The following MECOM variants were observed in gnomAD, a reference collection of about 807,000 sequenced individuals.
MECOM encodes the protein histone-lysine N-methyltransferase MECOM.
Under a neutral mutation model 116.3 loss-of-function variants are expected in MECOM, and 13 were observed. The observed-to-expected ratio is 0.11, with a 90% CI of 0.07 to 0.18. The LOEUF (loss-of-function observed/expected upper bound fraction) is 0.18, where lower values mean the gene tolerates loss of function less well. Among genes scored for constraint, MECOM ranks in the 10% least tolerant of loss-of-function variants. The pLI, the probability that MECOM is intolerant of heterozygous loss-of-function variation, is 1.00. For missense variants in MECOM, 1,299 were observed against 1,509.0 expected (o/e 0.86, Z 2.31); for synonymous variants, 528 against 535.2 (o/e 0.99, Z 0.19).
chr3:169,502,779 T>C (rs1244691388), intron 1 of MECOM, among the ~76,000 whole-genome samples: 1 of 152,190 alleles, frequency 6.6e-6, no homozygotes, highest in African/African-American at 2.4e-5. Flanking sequence ...TTTTGGATAG[T>C]TATAAGTATG....
intron 1 of MECOM, among the ~76,000 whole-genome samples, chr3:169,536,837 G>A (rs1453724499): frequency 6.6e-6 from 1 of 152,066 alleles, no homozygotes; most frequent in African/African-American, 2.4e-5. Flanking sequence ...CCTTATACAG[G>A]AACTATGTGC....
chr3:169,408,299 C>T (rs1486288878), intron 1 of MECOM, among the ~76,000 whole-genome samples: 1 of 152,158 alleles, frequency 6.6e-6, no homozygotes, highest in African/African-American at 2.4e-5. Flanking sequence ...AGAATTAGCA[C>T]TCCCAATGTA....
chr3:169,137,912 G>T (rs968619162), intron 3 of MECOM, among the ~76,000 whole-genome samples: 3 of 151,996 alleles, frequency 2.0e-5, no homozygotes, highest in South Asian at 4.1e-4. Flanking sequence ...ACCTCTGAGG[G>T]TCTATCTACA....
intron 2 of MECOM, among the ~76,000 whole-genome samples, chr3:169,165,362 A>G (rs1467382298): frequency 6.6e-6 from 1 of 152,170 alleles, no homozygotes; most frequent in Non-Finnish European, 1.5e-5. Flanking sequence ...CAAACATTGC[A>G]ATTGTACCGG....
chr3:169,283,971 C>T (rs547950998), intron 2 of MECOM, among the ~76,000 whole-genome samples: 28 of 152,314 alleles, frequency 1.8e-4, no homozygotes, highest in African/African-American at 6.7e-4. Flanking sequence ...GTGTAATAAA[C>T]TTATCACCAT....
chr3:169,510,557 C>T (rs1046802912), intron 1 of MECOM, among the ~76,000 whole-genome samples: 5 of 152,206 alleles, frequency 3.3e-5, no homozygotes, highest in African/African-American at 1.2e-4. Flanking sequence ...GTCTTAATGT[C>T]AGACCCTGTC....
At chr3:169,418,877 G>A (rs998847892) in intron 1 of MECOM, among the ~76,000 whole-genome samples, 2 of 152,148 alleles carry the variant, frequency 1.3e-5, no homozygotes, top group African/African-American at 4.8e-5. Flanking sequence ...ATTCAACATA[G>A]TATTGGAATT....
intron 1 of MECOM, among the ~76,000 whole-genome samples, chr3:169,620,787 G>A (rs779144597): frequency 3.3e-5 from 5 of 152,188 alleles, no homozygotes; most frequent in Non-Finnish European, 5.9e-5. Context: ...CAGAGCTAGC[G>A]ATAGGTACTC....
chr3:169,378,499 A>AG (rs1219118011), intron 2 of MECOM, among the ~76,000 whole-genome samples: 3 of 32,192 alleles, frequency 9.3e-5, no homozygotes, highest in Non-Finnish European at 1.5e-4. Context: ...GAAAGAAAGA[A>AG]AGAAAGAAAG....
At chr3:169,262,065 G>A (rs949943151) in intron 2 of MECOM, among the ~76,000 whole-genome samples, 5 of 152,134 alleles carry the variant, frequency 3.3e-5, no homozygotes, top group Admixed American at 1.3e-4. Flanking sequence ...CCCAATCTAG[G>A]AGCTTGGAAT....
rs555390698 is a variant in MECOM at position 169,242,531 on chromosome 3, C to T, written c.376-98699G>A. Among the ~76,000 whole-genome samples, 27 of 152,264 alleles carry T rather than the reference C, an allele frequency of 1.8e-4. 1 individual carries two copies. In the East Asian group the frequency reaches 4.1e-3, roughly 23 times the overall value. On this transcript the variant is annotated intron_variant, in intron 2 of 16. Transcript: ENST00000651503. The stretch of plus-strand genomic sequence containing the variant: ...TGCTCCGAACCTCATCCCCTTGGTG[C>T]TCCTGATGCGGGCGATCCTCCGACT...
Position 169,292,562 on chromosome 3 carries a change from T to C in MECOM, c.375+88625A>G, listed in dbSNP as rs183418490. On this transcript the variant is annotated intron_variant, in intron 2 of 16. Transcript: ENST00000651503. ...TTTAGGAGATGCAAGATATCTGTTA[T>C]CTCCCAGTGATCTCTCTGAGCCACA... Among the ~76,000 whole-genome samples, 252 of 152,196 alleles carry C rather than the reference T, an allele frequency of 1.7e-3. 3 individuals are homozygous for C. The highest frequency in any genetic ancestry group is 4.6e-4 in the Non-Finnish European group (31 of 68,004).
At chr3:169,414,911 G>C (rs1274911554) in intron 1 of MECOM, among the ~76,000 whole-genome samples, 1 of 152,162 alleles carries the variant, frequency 6.6e-6, no homozygotes, top group East Asian at 1.9e-4. Flanking sequence ...TGTTTGATGG[G>C]CATACCTGAA....
intron 2 of MECOM, among the ~76,000 whole-genome samples, chr3:169,230,810 A>G (rs1241897033): frequency 1.3e-5 from 2 of 152,194 alleles, no homozygotes; most frequent in Non-Finnish European, 2.9e-5. Context: ...TTCACAATGG[A>G]GAAGAATAGT....
At chr3:169,147,596 C>T (rs1740292281) in intron 2 of MECOM, 1 of 985,270 alleles carries the variant, frequency 1.0e-6, no homozygotes, top group South Asian at 4.7e-5. Context: ...TATGGATGCA[C>T]CATCCCCCTT....
intron 2 of MECOM, among the ~76,000 whole-genome samples, chr3:169,367,463 C>T (rs545465160): frequency 6.6e-6 from 1 of 151,828 alleles, no homozygotes; most frequent in East Asian, 2.0e-4. Flanking sequence ...CTAAAGAAAG[C>T]ATCAGGTATC....
intron 1 of MECOM, among the ~76,000 whole-genome samples, chr3:169,505,520 C>T (rs1199459870): frequency 6.6e-6 from 1 of 152,106 alleles, no homozygotes; most frequent in Non-Finnish European, 1.5e-5. Flanking sequence ...CATATATAAT[C>T]ACCTAACATA....
chr3:169,276,422 G>A (rs542640817), intron 2 of MECOM, among the ~76,000 whole-genome samples: 32 of 151,802 alleles, frequency 2.1e-4, no homozygotes, highest in African/African-American at 4.8e-4. Flanking sequence ...GCACGGTGGC[G>A]CGTGCCTGTT....
intron 1 of MECOM, among the ~76,000 whole-genome samples, chr3:169,518,805 G>A (rs1194923535): frequency 6.6e-6 from 1 of 152,134 alleles, no homozygotes; most frequent in African/African-American, 2.4e-5. Flanking sequence ...TCTCATGATA[G>A]TGAGATCAGT....
Sources: gnomAD v4.1 joint callset for allele counts (sites outside exome capture counted in the v4.1 genomes callset) on GRCh38, gnomAD v4.1.1 for gene constraint, MANE v1.5 for transcripts, NCBI Gene and HGNC (gene_info 2026-07-23, HGNC 2026-07-21) for gene names.